TCIRG1: variants seen among roughly 807,000 people sequenced by gnomAD.
The protein encoded by TCIRG1 is V-type proton ATPase 116 kDa subunit a 3.
TCIRG1 carries 86 observed loss-of-function variants against 95.5 expected under a neutral mutation model. The ratio of observed to expected loss-of-function variants is 0.90; its 90% CI spans 0.76 to 1.08. The LOEUF is 1.08. Ranked by LOEUF, TCIRG1 falls within the 50% of genes least tolerant of loss-of-function variation. The probability of loss-of-function intolerance (pLI) is 0.00; values close to 1 mark genes in which losing one functional copy is unlikely to be tolerated. For missense variants in TCIRG1, 1,069 were observed against 1,140.2 expected, an observed-to-expected ratio of 0.94 and a Z score of 0.90; for synonymous variants, 499 against 501.3, an observed-to-expected ratio of 1.00 and a Z score of 0.06.
rs763082676 is a variant in TCIRG1 at position 68,047,904 on chromosome 11, A to G, written c.1486A>G (p.Thr496Ala). The change falls in exon 13 of 20, where the codon ACG (threonine) becomes GCG (alanine). Residue 496 changes from threonine (T) to alanine (A), a missense_variant. Physicochemically the swap from Thr to Ala is moderately conservative, Grantham distance 58. Coordinates refer to ENST00000265686, the MANE Select transcript of TCIRG1 (RefSeq NM_006019.4). ...CAGTGATGCATTCCTGGCCCAGCAC[A>G]CGATGCTTACCCTGGATCCCAACGT... ...GWSDAFLAQH[T>A]MLTLDPNVTG... 1.9e-6 allele frequency: 3 copies of G among 1,613,658 alleles called. No homozygotes were observed. Among genetic ancestry groups the G allele is most frequent in the South Asian group, 2.2e-5 (2 of 91,082 alleles).
In TCIRG1 at chr11:68,047,553, T is replaced by C; in HGVS notation, c.1286T>C (p.Val429Ala). The C allele has an allele frequency of 6.2e-7, 1 of 1,613,780 alleles. No individual in the cohort carries two copies. The highest frequency in any genetic ancestry group is 8.5e-7 in the Non-Finnish European group (1 of 1,180,000). The change falls in exon 11 of 20, where the codon GTG (valine) becomes GCG (alanine). Residue 429 changes from valine (V) to alanine (A), a missense_variant. Val to Ala is a moderately conservative substitution (Grantham distance 64). Coordinates refer to ENST00000265686, the MANE Select transcript of TCIRG1 (RefSeq NM_006019.4). ...GTCCTTGCGGAGAACCGACCGGCTG[T>C]GAAGGCCGCGCAGAACGAGGTGAGG... is the stretch of plus-strand genomic sequence containing the variant. ...AMVLAENRPAVKAAQNEIWQT... is the reference protein window; with the variant it reads ...AMVLAENRPAAKAAQNEIWQT...
chr11:68,043,720 G>A lies in TCIRG1; in HGVS notation c.713+67G>A, dbSNP rs370226601. The A allele has an allele frequency of 9.9e-5, 151 of 1,528,022 alleles. No individual in the cohort carries two copies. The African/African-American group carries it at 1.4e-3, about 14-fold the overall frequency. The allele number at this position is 1,528,022 out of a possible 1,614,324, so 94.7% of individuals were successfully genotyped here. ...GGCCCCTGCTGTCACCTCCCAGCCC[G>A]CCCTATCGTGACTCCTCCCCATGAG... On this transcript the variant is annotated intron_variant, in intron 7 of 19. Transcript: ENST00000265686.
At chr11:68,048,708 G>C (rs112754197) in intron 13 of TCIRG1, 171 bp from the exon 14 acceptor site, 6 of 707,000 alleles carry the variant, frequency 8.5e-6, no homozygotes, top group Non-Finnish European at 1.3e-5. Flanking sequence ...GGCTGGCACC[G>C]TGGCAGCTGG....
In TCIRG1 at chr11:68,050,887, GC is replaced by G; in HGVS notation, c.*71del. Reference sequence around the variant, plus strand: ...GGCAGGAGAGGAATAAAGACGGTCCGCCCTGGCAGTGATGTCTCGTCTCTCT... The same window carrying G: ...GGCAGGAGAGGAATAAAGACGGTCCGCCTGGCAGTGATGTCTCGTCTCTCT... On this transcript the variant is annotated 3_prime_UTR_variant, in exon 20 of 20. Coordinates refer to ENST00000265686, the MANE Select transcript of TCIRG1 (RefSeq NM_006019.4). 1.3e-6 allele frequency: 2 copies of G among 1,540,904 alleles called. No homozygotes were observed. Among genetic ancestry groups the G allele is most frequent in the Non-Finnish European group, 1.8e-6 (2 of 1,125,262 alleles).
Position 68,047,550 on chromosome 11 carries a change from C to G in TCIRG1, c.1283C>G (p.Ala428Gly). ...LAMVLAENRP[A>G]VKAAQNEIWQ... ...ATGGTCCTTGCGGAGAACCGACCGG[C>G]TGTGAAGGCCGCGCAGAACGAGGTG... is the stretch of plus-strand genomic sequence containing the variant. The change falls in exon 11 of 20, where the codon GCT (alanine) becomes GGT (glycine). Residue 428 changes from alanine to glycine, a missense_variant. Coordinates refer to ENST00000265686, the MANE Select transcript of TCIRG1 (RefSeq NM_006019.4). 1 of 1,613,890 alleles carries G rather than the reference C, an allele frequency of 6.2e-7. No homozygotes were observed. The highest frequency in any genetic ancestry group is 8.5e-7 in the Non-Finnish European group (1 of 1,180,012).
At chr11:68,050,993 C>T, downstream of TCIRG1, 1 of 723,504 alleles carries the variant, frequency 1.4e-6, no homozygotes, top group South Asian at 1.6e-5. Flanking sequence ...AAGGCCTGGA[C>T]CTGAGCAGAT....
intron 13 of TCIRG1, 194 bp from the exon 14 acceptor site, chr11:68,048,685 C>A: frequency 1.5e-6 from 1 of 684,348 alleles, no homozygotes; most frequent in Non-Finnish European, 2.7e-6. Context: ...GAGGTCATGC[C>A]CAAGGTCACC....
chr11:68,045,128 T>C (rs1298078086), intron 10 of TCIRG1, 26 bp downstream of exon 10: 1 of 1,599,040 alleles, frequency 6.3e-7, no homozygotes, highest in Non-Finnish European at 8.5e-7. Context: ...TCCTTACCCG[T>C]GTCCTGGGAG....
intron 15 of TCIRG1, 105 bp downstream of exon 15, chr11:68,049,399 A>T: frequency 7.9e-7 from 1 of 1,264,648 alleles, no homozygotes; most frequent in Non-Finnish European, 1.1e-6. Flanking sequence ...ACGGGGATGC[A>T]GGCCCCGGGC....
At chr11:68,051,745 A>G (rs1434094455), downstream of TCIRG1, among the ~76,000 whole-genome samples, 1 of 152,234 alleles carries the variant, frequency 6.6e-6, no homozygotes, top group Non-Finnish European at 1.5e-5. Context: ...GGGTAGGAGC[A>G]GAGAAGGCTA....
intron 13 of TCIRG1, 66 bp from the exon 14 acceptor site, chr11:68,048,813 C>A (rs775453257): frequency 8.6e-7 from 1 of 1,169,410 alleles, no homozygotes; most frequent in Non-Finnish European, 1.3e-6. Flanking sequence ...TGACTCGGGC[C>A]GGGGACTTCC....
At chr11:68,049,335 TG>T in intron 15 of TCIRG1, 41 bp downstream of exon 15, 1 of 1,569,528 alleles carries the variant, frequency 6.4e-7, no homozygotes, top group African/African-American at 1.4e-5. Context: ...CACGGCCTCA[TG>T]GGGACCCCGC....
chr11:68,042,615 C>T (rs940814277), intron 3 of TCIRG1, 28 bp from the exon 4 acceptor site: 5 of 1,530,874 alleles, frequency 3.3e-6, no homozygotes, highest in East Asian at 2.4e-5. Flanking sequence ...ACCTCAACTG[C>T]ACCCCACTCC....
At position 68,050,054 on chromosome 11, in the gene TCIRG1, A is replaced by T. The variant is rs771368616; in HGVS notation, c.2106A>T (p.Glu702Asp). The T allele has an allele frequency of 6.2e-7, 1 of 1,613,334 alleles. No individual in the cohort carries two copies. Among genetic ancestry groups the T allele is most frequent in the South Asian group, 1.1e-5 (1 of 91,084 alleles). ...AAAAGGCAGGGGGCCTGGATGATGA[A>T]GAGGAGGCCGAGGTGGGTGCAGTGC... Reference protein sequence around the residue: ...DEEKAGGLDDEEEAELVPSEV... With the variant: ...DEEKAGGLDDDEEAELVPSEV... Residue 702 changes from glutamate to aspartate, a missense_variant, in exon 17 of 20, where the codon GAA becomes GAT. Glu to Asp is a conservative substitution (Grantham distance 45). Transcript: ENST00000265686.
chr11:68,050,021 C>T lies in TCIRG1; in HGVS notation c.2073C>T (p.Ser691=), dbSNP rs773550308. 22 of 1,613,176 alleles carry T rather than the reference C, an allele frequency of 1.4e-5. No homozygotes were observed. The highest frequency in any genetic ancestry group is 3.3e-4 in the Middle Eastern group (2 of 5,978). The change falls in exon 17 of 20, where the codon TCC becomes TCT. Residue 691 remains serine, a synonymous_variant. Coordinates refer to ENST00000265686, the MANE Select transcript of TCIRG1 (RefSeq NM_006019.4). ...LPDASVNGWS[S]DEEKAGGLDD... The stretch of plus-strand genomic sequence containing the variant: ...ACGCATCTGTGAATGGCTGGAGCTC[C>T]GATGAGGAAAAGGCAGGGGGCCTGG...
chr11:68,047,859 C>T (rs200085870), intron 12 of TCIRG1, 23 bp from the exon 13 acceptor site: 165 of 1,613,140 alleles, frequency 1.0e-4, no homozygotes, highest in Admixed American at 1.7e-4. Context: ...CAGCCCTGAC[C>T]GCCCTCCCCT....
rs1460004493 is a variant in TCIRG1, at chr11:68,047,682, C to T, written c.1341C>T (p.Leu447=). 5.6e-6 allele frequency: 9 copies of T among 1,612,514 alleles called. No individual in the cohort carries two copies. The highest frequency in any genetic ancestry group is 1.7e-5 in the Admixed American group (1 of 59,914). ...CTTTCTTCAGGGGCCGCTACCTGCT[C>T]CTGCTTATGGGCCTGTTCTCCATCT... ...WQTFFRGRYL[L]LLMGLFSIYT... is the part of the protein sequence containing the mutation. The change falls in exon 12 of 20, where the codon CTC becomes CTT. Residue 447 remains leucine (L), a synonymous_variant. Transcript: ENST00000265686.
chr11:68,041,664 G>A, intron 2 of TCIRG1, 89 bp from the exon 3 acceptor site: 5 of 1,136,186 alleles, frequency 4.4e-6, no homozygotes, highest in Non-Finnish European at 6.5e-6. Context: ...AGGCAGCTAA[G>A]GCCTGGGGAG....
intron 9 of TCIRG1, chr11:68,044,697 C>A (rs78249208): frequency 1.2e-5 from 7 of 595,582 alleles, no homozygotes; most frequent in African/African-American, 1.9e-5. Flanking sequence ...CAGGTGCTTG[C>A]GGGTGAGGCT....
Sources: gnomAD v4.1 joint callset for allele counts (sites outside exome capture counted in the v4.1 genomes callset) on GRCh38, gnomAD v4.1.1 for gene constraint, MANE v1.5 for transcripts, NCBI Gene and HGNC (gene_info 2026-07-23, HGNC 2026-07-21) for gene names.